The following API5 variants were observed in gnomAD, a reference collection of about 807,000 sequenced individuals.
API5 encodes apoptosis inhibitor 5.
API5 carries 6 observed loss-of-function variants against 71.9 expected under a neutral mutation model. The ratio of observed to expected loss-of-function variants is 0.08; its 90% CI spans 0.05 to 0.16. The LOEUF is 0.16. Among genes scored for constraint, API5 ranks in the 10% least tolerant of loss-of-function variants. The probability of loss-of-function intolerance (pLI) is 1.00; values close to 1 mark genes in which losing one functional copy is unlikely to be tolerated. For synonymous variants in API5, 189 were observed against 221.3 expected (o/e 0.85, Z 1.30); for missense variants, 332 against 612.8 (o/e 0.54, Z 4.84).
At chr11:43,313,621 CTTAATCTAGAA>C (rs1194477812) in intron 1 of API5, among the ~76,000 whole-genome samples, 2 of 151,978 alleles carry the variant, frequency 1.3e-5, no homozygotes, top group African/African-American at 2.4e-5. Context: ...TTTATTGTAG[CTTAATCTAGAA>C]TTAAGAATAT....
At chr11:43,339,174 T>C (rs1399032839) in intron 13 of API5, 2 of 152,190 alleles carry the variant, frequency 1.3e-5, no homozygotes, top group Non-Finnish European at 2.9e-5. Flanking sequence ...CAGATAAATA[T>C]TAGCCAAACT....
chr11:43,321,328 C>CT (rs1854883254), intron 3 of API5, 83 bp from the exon 4 acceptor site: 3 of 1,174,180 alleles, frequency 2.6e-6, no homozygotes, highest in African/African-American at 1.5e-5. Context: ...CCTTGAGAAA[C>CT]TAAGTTGAAT....
chr11:43,318,875 A>G, intron 2 of API5, 74 bp downstream of exon 2: 1 of 1,427,834 alleles, frequency 7.0e-7, no homozygotes, highest in African/African-American at 1.4e-5. Flanking sequence ...TGGAGTAGCA[A>G]TCTGATATAT....
At position 43,342,835 on chromosome 11, in the gene API5, C is replaced by T. The variant is rs1302340320; in HGVS notation, c.*325C>T. ...GTTCATTCTAAAATGTAATGAAATT[C>T]AGTCTAGTTCTGCTGATAAAGATCA... On this transcript the variant is annotated 3_prime_UTR_variant, in exon 14 of 14. Coordinates refer to ENST00000531273, the MANE Select transcript of API5 (RefSeq NM_001142930.2). 8.8e-6 allele frequency: 5 copies of T among 567,310 alleles called. No homozygotes were observed. The highest frequency in any genetic ancestry group is 1.6e-5 in the Non-Finnish European group (5 of 322,026). The allele number at this position is 567,310 out of a possible 1,614,324, so 35.1% of individuals were successfully genotyped here.
intron 12 of API5, 72 bp from the exon 13 acceptor site, chr11:43,335,786 A>G: frequency 1.4e-6 from 2 of 1,479,382 alleles, no homozygotes; most frequent in Admixed American, 2.4e-5. Context: ...CTGATATGCT[A>G]AATTATAAAT....
rs375559166 is a variant in API5 at position 43,322,132 on chromosome 11, A to G, written c.539A>G (p.Lys180Arg). Residue 180 changes from lysine (K) to arginine (R), a missense_variant, in exon 5 of 14, where the codon AAA becomes AGA. Physicochemically the swap from Lys to Arg is conservative, Grantham distance 26. Transcript: ENST00000531273. Reference sequence around the variant, plus strand: ...GAAGAGCTTATACTAACTGAATCCAAAAAGGTGAGCTTTGGTCTTCATTTG... The same window carrying G: ...GAAGAGCTTATACTAACTGAATCCAGAAAGGTGAGCTTTGGTCTTCATTTG... ...EVEELILTES[K>R]KVLEDVTGEE... 6.3e-7 allele frequency: 1 copy of G among 1,598,062 alleles called. No homozygotes were observed. The highest frequency in any genetic ancestry group is 8.5e-7 in the Non-Finnish European group (1 of 1,174,432).
intron 5 of API5, 90 bp downstream of exon 5, chr11:43,322,226 G>T (rs558251405): frequency 7.7e-7 from 1 of 1,300,822 alleles, no homozygotes; most frequent in East Asian, 2.4e-5. Flanking sequence ...TGTGTGGCTT[G>T]TGTATAAAAT....
intron 6 of API5, among the ~76,000 whole-genome samples, chr11:43,326,288 C>G (rs1289621949): frequency 6.6e-6 from 1 of 151,950 alleles, no homozygotes; most frequent in Non-Finnish European, 1.5e-5. Context: ...ATTTTTTATT[C>G]TTTATCTTTT....
chr11:43,330,443 A>G (rs957051892), intron 10 of API5, 65 bp from the exon 11 acceptor site: 8 of 1,142,578 alleles, frequency 7.0e-6, no homozygotes, highest in East Asian at 2.4e-5. Context: ...TAGTTCTATG[A>G]CAGAATGGAT....
Position 43,326,604 on chromosome 11 carries a change from A to T in API5, c.848A>T (p.Gln283Leu). 1.3e-6 allele frequency: 2 copies of T among 1,599,144 alleles called. No homozygotes were observed. Among genetic ancestry groups the T allele is most frequent in the Non-Finnish European group, 1.7e-6 (2 of 1,169,946 alleles). The stretch of plus-strand genomic sequence containing the variant: ...ACCCCAGTGGAAGGTCTTGATATAC[A>T]GTTGGAGGTAAGCAAAAATTTCAGC... ...LTTPVEGLDI[Q>L]LEVLKLLAEM... The change falls in exon 7 of 14, where the codon CAG becomes CTG. Residue 283 changes from glutamine to leucine, a missense_variant. By Grantham distance (113) the Gln-to-Leu change is moderately radical. Coordinates refer to ENST00000531273, the MANE Select transcript of API5 (RefSeq NM_001142930.2).
intron 2 of API5, 124 bp from the exon 3 acceptor site, chr11:43,320,697 C>T: frequency 1.2e-6 from 1 of 817,536 alleles, no homozygotes; most frequent in Non-Finnish European, 1.9e-6. Context: ...CACCACTGCA[C>T]TCCAACCTGG....
intron 1 of API5, among the ~76,000 whole-genome samples, chr11:43,312,689 C>G (rs767488033): frequency 5.9e-5 from 9 of 152,132 alleles, no homozygotes; most frequent in Middle Eastern, 3.2e-3. Context: ...TTGGTCCAGA[C>G]TTTGATGAGA....
chr11:43,313,128 T>C (rs1389123666), intron 1 of API5, among the ~76,000 whole-genome samples: 3 of 152,032 alleles, frequency 2.0e-5, no homozygotes, highest in Non-Finnish European at 4.4e-5. Context: ...AAAAGGTTTT[T>C]TTTAAAAATT....
rs565138005 is a variant in API5, at chr11:43,338,263, A to G, written c.1492+2269A>G. Among the ~76,000 whole-genome samples, 90 of 152,308 alleles carry G rather than the reference A, an allele frequency of 5.9e-4. No individual in the cohort carries two copies. The Middle Eastern group carries it at 0.01, about 17-fold the overall frequency. The stretch of plus-strand genomic sequence containing the variant: ...TGTTGAAACAAAAGCAGTTCTCAGT[A>G]TCCAAGTTTATTGCTTTACTAACCA... On this transcript the variant is annotated intron_variant, in intron 13 of 13. Coordinates refer to ENST00000531273, the MANE Select transcript of API5 (RefSeq NM_001142930.2).
intron 7 of API5, 34 bp downstream of exon 7, chr11:43,326,645 G>C: frequency 2.6e-6 from 3 of 1,174,766 alleles, no homozygotes; most frequent in Non-Finnish European, 3.8e-6. Context: ...CACTGATAAG[G>C]CATTCTTATA....
At chr11:43,320,194 T>G (rs1854824670) in intron 2 of API5, among the ~76,000 whole-genome samples, 1 of 151,868 alleles carries the variant, frequency 6.6e-6, no homozygotes, top group Non-Finnish European at 1.5e-5. Flanking sequence ...TATAGGCGTG[T>G]GCCACCACGC....
At chr11:43,312,658 G>C (rs561858283) in intron 1 of API5, among the ~76,000 whole-genome samples, 2 of 152,248 alleles carry the variant, frequency 1.3e-5, no homozygotes, top group African/African-American at 4.8e-5. Context: ...AGAAGTTTGT[G>C]AGAAACAGAA....
chr11:43,317,270 A>G (rs940377586), intron 1 of API5, among the ~76,000 whole-genome samples: 2 of 152,122 alleles, frequency 1.3e-5, no homozygotes, highest in African/African-American at 2.4e-5. Flanking sequence ...GTTATTTACC[A>G]TCTTTATCAG....
intron 5 of API5, among the ~76,000 whole-genome samples, chr11:43,322,867 G>A (rs1021486183): frequency 5.9e-5 from 9 of 152,120 alleles, no homozygotes; most frequent in Admixed American, 5.9e-4. Flanking sequence ...CTTGTAATCT[G>A]GTAGAGTATG....
Sources: gnomAD v4.1 joint callset for allele counts (sites outside exome capture counted in the v4.1 genomes callset) on GRCh38, gnomAD v4.1.1 for gene constraint, MANE v1.5 for transcripts, NCBI Gene and HGNC (gene_info 2026-07-23, HGNC 2026-07-21) for gene names.